Variants in CDH13 observed in about 807,000 individuals in gnomAD.
The protein encoded by CDH13 is cadherin 13.
CDH13 carries 24 observed loss-of-function variants against 63.8 expected under a neutral mutation model. The ratio of observed to expected loss-of-function variants is 0.38; its 90% confidence interval spans 0.27 to 0.53. CDH13 has a LOEUF of 0.53. Among genes scored for constraint, CDH13 ranks in the 20% least tolerant of loss-of-function variants. CDH13 has a pLI of 0.85. For synonymous variants in CDH13, 503 were observed against 355.3 expected (o/e 1.42, Z -4.67); for missense variants, 1,049 against 903.1 (o/e 1.16, Z -2.07).
intron 6 of CDH13, among the ~76,000 whole-genome samples, chr16:83,385,209 A>T (rs1018756697): frequency 6.6e-6 from 1 of 152,252 alleles, no homozygotes; most frequent in African/African-American, 2.4e-5. Flanking sequence ...GTAGTAGTCA[A>T]TGAGAGAGAA....
At chr16:83,783,958 G>A (rs967495177) in intron 13 of CDH13, among the ~76,000 whole-genome samples, 6 of 152,120 alleles carry the variant, frequency 3.9e-5, no homozygotes, top group Non-Finnish European at 4.4e-5. Context: ...TTTTTTCACT[G>A]GCTAGTAATA....
chr16:83,769,483 G>A (rs1914619105), intron 11 of CDH13, among the ~76,000 whole-genome samples: 1 of 152,204 alleles, frequency 6.6e-6, no homozygotes, highest in African/African-American at 2.4e-5. Context: ...AAGACACAAA[G>A]TGTCCTGCTT....
chr16:83,025,599 T>G (rs535984491), intron 2 of CDH13, among the ~76,000 whole-genome samples: 2 of 151,998 alleles, frequency 1.3e-5, no homozygotes, highest in Non-Finnish European at 2.9e-5. Context: ...GAACTACAAT[T>G]CAAGATGAGA....
intron 2 of CDH13, among the ~76,000 whole-genome samples, chr16:83,006,903 T>C (rs201036742): frequency 5.6e-5 from 8 of 142,332 alleles, no homozygotes; most frequent in Non-Finnish European, 1.1e-4. Flanking sequence ...GTTTTGATTT[T>C]TTTTGTTTGT....
At chr16:82,890,304 C>G (rs979310795) in intron 2 of CDH13, among the ~76,000 whole-genome samples, 1 of 152,166 alleles carries the variant, frequency 6.6e-6, no homozygotes, top group African/African-American at 2.4e-5. Flanking sequence ...TAGGATAGAA[C>G]AGTGTATAGG....
At chr16:83,119,743 T>C (rs1453052744) in intron 3 of CDH13, among the ~76,000 whole-genome samples, 1 of 152,174 alleles carries the variant, frequency 6.6e-6, no homozygotes, top group African/African-American at 2.4e-5. Flanking sequence ...GCAGGGTATA[T>C]GGATGTCAGT....
intron 1 of CDH13, among the ~76,000 whole-genome samples, chr16:82,704,222 G>A (rs1057222162): frequency 1.3e-5 from 2 of 152,170 alleles, no homozygotes; most frequent in Non-Finnish European, 2.9e-5. Context: ...GGCTCTAGGG[G>A]CACACTGCCT....
chr16:83,024,998 T>A (rs764241209), intron 2 of CDH13, among the ~76,000 whole-genome samples: 4 of 152,114 alleles, frequency 2.6e-5, no homozygotes, highest in Non-Finnish European at 5.9e-5. Context: ...AGCCTGAGAC[T>A]AGCAAGGTAC....
At position 82,858,734 on chromosome 16, in the gene CDH13, G is replaced by A. The variant is rs1180233440; in HGVS notation, c.157+261G>A. ...CTGCTGTCAGAAAAGGGGGCTGTCA[G>A]CCTCCAATGAGAGTTGTACACTGTG... On this transcript the variant is annotated intron_variant, in intron 2 of 13. Transcript: ENST00000567109. The A allele has an allele frequency of 3.6e-5, 21 of 587,600 alleles. No individual in the cohort carries two copies. The East Asian group carries it at 5.5e-4, about 16-fold the overall frequency. 36.4% of individuals were successfully genotyped at this position (587,600 alleles called of 1,614,324 possible). A position where few individuals can be genotyped will look rare whatever the true frequency, so the allele number is the denominator to read the frequency against.
Position 82,842,117 on chromosome 16 carries a change from TATATATATATATATATATATACAC to T in CDH13, c.46-16223_46-16200del, listed in dbSNP as rs1455456098. On this transcript the variant is annotated intron_variant, in intron 1 of 13. Transcript: ENST00000567109. ...ATATATATATATATATATATGTATA[TATATATATATATATATATATACAC>T]ATATATATATATATATATATATACA... Among the ~76,000 whole-genome samples, 245 of 46,998 alleles carry T rather than the reference TATATATATATATATATATATACAC, an allele frequency of 5.2e-3. 7 individuals are homozygous for T. The highest frequency in any genetic ancestry group is 0.012 in the African/African-American group (173 of 14,768). 30.8% of individuals were successfully genotyped at this position (46,998 alleles called of 152,430 possible).
intron 1 of CDH13, among the ~76,000 whole-genome samples, chr16:82,680,978 C>T (rs561058922): frequency 1.3e-4 from 20 of 152,224 alleles, no homozygotes; most frequent in African/African-American, 4.8e-4. Context: ...GAGAAGGGAG[C>T]CCATAAAGAA....
In CDH13 at chr16:83,097,001, T is replaced by C. The variant is rs545390240; in HGVS notation, c.367-28384T>C. Among the ~76,000 whole-genome samples the C allele has an allele frequency of 2.3e-4, 35 of 152,302 alleles. No homozygotes were observed. In the East Asian group the frequency reaches 6.6e-3, roughly 29 times the overall value. ...TCCTGTCCTTTGAATAATGTCAAGA[T>C]TGAGTGTACCTCTGGAGAAATATTG... On this transcript the variant is annotated intron_variant, in intron 3 of 13. Coordinates refer to ENST00000567109, the MANE Select transcript of CDH13 (RefSeq NM_001257.5).
intron 7 of CDH13, among the ~76,000 whole-genome samples, chr16:83,595,379 G>A (rs968876549): frequency 3.3e-5 from 5 of 152,210 alleles, no homozygotes; most frequent in African/African-American, 1.2e-4. Flanking sequence ...CTGGCTAGGT[G>A]TTGCAGCCAA....
intron 6 of CDH13, among the ~76,000 whole-genome samples, chr16:83,408,845 T>C (rs949056428): frequency 5.3e-5 from 8 of 152,160 alleles, no homozygotes; most frequent in African/African-American, 1.9e-4. Context: ...AAAGATGTCA[T>C]GCACCAGGAA....
At chr16:82,660,935 CAA>C (rs58394697) in intron 1 of CDH13, among the ~76,000 whole-genome samples, 3 of 143,872 alleles carry the variant, frequency 2.1e-5, no homozygotes, top group Non-Finnish European at 3.1e-5. Context: ...TTTCTTTTAT[CAA>C]AAAAAAAAAA....
rs944324274 is a variant in CDH13, at chr16:82,955,241, T to G, written c.158-76769T>G. Among the ~76,000 whole-genome samples, 4 of 152,178 alleles carry G rather than the reference T, an allele frequency of 2.6e-5. No homozygotes were observed. The East Asian group carries it at 5.8e-4, about 22-fold the overall frequency. ...TTATTGATGATTTTAATTTGCTGTT[T>G]AATTAAGCAAGATGCCTGCCTTACA... On this transcript the variant is annotated intron_variant, in intron 2 of 13. Transcript: ENST00000567109.
chr16:82,667,663 C>T (rs4782725), intron 1 of CDH13, among the ~76,000 whole-genome samples: 75,221 of 151,884 alleles, frequency 0.5, 19,209 homozygotes, highest in Non-Finnish European at 0.57. Context: ...TGAGATGTGA[C>T]GTGAGTGAGG....
intron 4 of CDH13, among the ~76,000 whole-genome samples, chr16:83,216,443 T>TATATATATATATATATATATACACATAC: frequency 1.1e-5 from 1 of 93,434 alleles, no homozygotes; most frequent in African/African-American, 3.9e-5. Flanking sequence ...TATATATATA[T>TATATATATATATATATATATACACATAC]ACACAACCCT....
At chr16:83,576,858 A>T (rs4782819) in intron 7 of CDH13, among the ~76,000 whole-genome samples, 1 of 151,924 alleles carries the variant, frequency 6.6e-6, no homozygotes, top group African/African-American at 2.4e-5. Context: ...ACTATGTTGT[A>T]GAGTTATAAA....
Sources: gnomAD v4.1 joint callset for allele counts (sites outside exome capture counted in the v4.1 genomes callset) on GRCh38, gnomAD v4.1.1 for gene constraint, MANE v1.5 for transcripts, NCBI Gene and HGNC (gene_info 2026-07-23, HGNC 2026-07-21) for gene names.